Variants in IQGAP3 observed in about 807,000 individuals in gnomAD.
IQGAP3 encodes IQ motif containing GTPase activating protein 3.
Under a neutral mutation model 208.2 loss-of-function variants are expected in IQGAP3, and 165 were observed. The ratio of observed to expected loss-of-function variants is 0.79; its 90% CI spans 0.70 to 0.90. The LOEUF (loss-of-function observed/expected upper bound fraction) is 0.90, where lower values mean the gene tolerates loss of function less well. Ranked by LOEUF, IQGAP3 falls within the 40% of genes least tolerant of loss-of-function variation. The probability of loss-of-function intolerance (pLI) is 0.00; values close to 1 mark genes in which losing one functional copy is unlikely to be tolerated. For missense variants in IQGAP3, 1,811 were observed against 2,043.1 expected, an observed-to-expected ratio of 0.89 and a Z score of 2.19; for synonymous variants, 703 against 803.6, an observed-to-expected ratio of 0.87 and a Z score of 2.12.
At chr1:156,535,368 T>A in intron 27 of IQGAP3, 121 bp from the exon 28 acceptor site, 1 of 671,866 alleles carries the variant, frequency 1.5e-6, no homozygotes, top group Non-Finnish European at 2.6e-6. Flanking sequence ...AGAGTAGAGC[T>A]CAAGCACTGT....
chr1:156,526,460 G>C lies in IQGAP3; in HGVS notation c.*26C>G. On this transcript the variant is annotated 3_prime_UTR_variant, in exon 38 of 38. Transcript: ENST00000361170. ...AGAAAGCATCCAGAGAGGTAAGAGG[G>C]GCTTGGGTAGCACCCTTTGCCTCTG... is the stretch of plus-strand genomic sequence containing the variant. The C allele has an allele frequency of 1.4e-6, 2 of 1,426,286 alleles. No individual in the cohort carries two copies. The highest frequency in any genetic ancestry group is 2.0e-6 in the Non-Finnish European group (2 of 1,009,190). The allele number at this position is 1,426,286 out of a possible 1,614,324, so 88.4% of individuals were successfully genotyped here.
At chr1:156,533,401 G>A (rs912945244) in intron 31 of IQGAP3, among the ~76,000 whole-genome samples, 2 of 152,138 alleles carry the variant, frequency 1.3e-5, no homozygotes, top group African/African-American at 4.8e-5. Context: ...CCCTGAGCCT[G>A]CAGCTCCTGG....
chr1:156,539,127 C>A, intron 25 of IQGAP3, 94 bp from the exon 26 acceptor site: 1 of 1,051,290 alleles, frequency 9.5e-7, no homozygotes, highest in South Asian at 1.4e-5. Context: ...TCAAAGCCTG[C>A]CCTGGTGTCC....
At position 156,538,922 on chromosome 1, in the gene IQGAP3, C is replaced by A. The variant is rs767854550; in HGVS notation, c.3168G>T (p.Leu1056=). The A allele has an allele frequency of 6.2e-7, 1 of 1,614,186 alleles. No homozygotes were observed. ...CTAGCACATCCTGGATAACCTTGCC[C>A]AGAATCTCCTGCAGGGCACTCTGTC... ...GRGQSALQEI[L]GKVIQDVLED... Residue 1056 remains leucine, a synonymous_variant, in exon 26 of 38, where the codon CTG becomes CTT. Coordinates refer to ENST00000361170, the MANE Select transcript of IQGAP3 (RefSeq NM_178229.5).
intron 27 of IQGAP3, among the ~76,000 whole-genome samples, 164 bp from the exon 28 acceptor site, chr1:156,535,411 C>T (rs1674644981): frequency 6.6e-6 from 1 of 152,182 alleles, no homozygotes; most frequent in South Asian, 2.1e-4. Flanking sequence ...TCCCTGCTGC[C>T]TTCCTCCAAA....
At chr1:156,547,936 C>T (rs191218289) in intron 19 of IQGAP3, 137 bp downstream of exon 19, 2 of 786,326 alleles carry the variant, frequency 2.5e-6, no homozygotes, top group East Asian at 2.7e-5. Context: ...TGGTCTGGCT[C>T]CAGAACCTAT....
chr1:156,544,564 G>A (rs1675143925), intron 19 of IQGAP3, 92 bp from the exon 20 acceptor site: 1 of 1,034,678 alleles, frequency 9.7e-7, no homozygotes, highest in Non-Finnish European at 1.5e-6. Flanking sequence ...GCCCTCCAGG[G>A]AATGGAAGGG....
chr1:156,551,596 A>G (rs1675548563), intron 15 of IQGAP3, 109 bp downstream of exon 15: 3 of 1,186,760 alleles, frequency 2.5e-6, no homozygotes, highest in South Asian at 1.7e-5. Flanking sequence ...ACCCCCACCC[A>G]GAAGCCATTG....
rs556804758 is a variant in IQGAP3 at position 156,572,353 on chromosome 1, T to C, written c.37+140A>G. On this transcript the variant is annotated intron_variant, in intron 1 of 37. Transcript: ENST00000361170. The stretch of plus-strand genomic sequence containing the variant: ...GGGCCCACGGCGCCCGGGCTGAGGA[T>C]TCCCGTCCCACTGAGCAGTCCCACC... The C allele has an allele frequency of 2.2e-5, 20 of 910,092 alleles. No individual in the cohort carries two copies. In the East Asian group the frequency reaches 3.6e-4, roughly 17 times the overall value. The allele number at this position is 910,092 out of a possible 1,614,324, so 56.4% of individuals were successfully genotyped here. A position where few individuals can be genotyped will look rare whatever the true frequency, so the allele number is the denominator to read the frequency against.
rs936559021 is a variant in IQGAP3 at position 156,538,668 on chromosome 1, G to C, written c.3281+141C>G. 1.2e-5 allele frequency: 8 copies of C among 655,752 alleles called. No homozygotes were observed. In the African/African-American group the frequency reaches 1.4e-4, roughly 12 times the overall value. 40.6% of individuals were successfully genotyped at this position (655,752 alleles called of 1,614,324 possible). ...CTACCTTATTCATGCCTACAAAGCT[G>C]GTGTCATATTTGCATAGATCAGCAT... On this transcript the variant is annotated intron_variant, in intron 26 of 37. Transcript: ENST00000361170.
At position 156,559,684 on chromosome 1, in the gene IQGAP3, C is replaced by T. The variant is rs1229737495; in HGVS notation, c.1129+1250G>A. Among the ~76,000 whole-genome samples the T allele has an allele frequency of 1.3e-5, 2 of 152,168 alleles. 1 individual carries two copies. Among genetic ancestry groups the T allele is most frequent in the Non-Finnish European group, 2.9e-5 (2 of 68,040 alleles). On this transcript the variant is annotated intron_variant, in intron 11 of 37. Transcript: ENST00000361170. Reference sequence around the variant, plus strand: ...AGGTGAGAATGTGGGAGAAATGTAACCCACAGGACCAGAAGCCCGGTGATG... The same window carrying T: ...AGGTGAGAATGTGGGAGAAATGTAATCCACAGGACCAGAAGCCCGGTGATG...
At chr1:156,535,802 TA>T (rs1164443084) in intron 27 of IQGAP3, among the ~76,000 whole-genome samples, 1 of 152,182 alleles carries the variant, frequency 6.6e-6, no homozygotes. Context: ...CAACCAGAGA[TA>T]TTATCTTAGA....
chr1:156,559,845 G>T (rs1676064760), intron 11 of IQGAP3, among the ~76,000 whole-genome samples: 1 of 152,206 alleles, frequency 6.6e-6, no homozygotes, highest in Admixed American at 6.5e-5. Flanking sequence ...TAAAGTGTGG[G>T]CTAAATAATG....
intron 37 of IQGAP3, 102 bp from the exon 38 acceptor site, chr1:156,526,701 A>G: frequency 1.3e-6 from 1 of 759,770 alleles, no homozygotes; most frequent in Non-Finnish European, 2.3e-6. Flanking sequence ...TGCAGTCACC[A>G]GTGGCACTGG....
intron 35 of IQGAP3, 134 bp from the exon 36 acceptor site, chr1:156,528,744 G>A (rs185394109): frequency 9.8e-6 from 10 of 1,025,124 alleles, no homozygotes; most frequent in Admixed American, 2.4e-5. Context: ...GAGGGGGGCT[G>A]CACTTGAGCC....
chr1:156,547,892 C>T (rs537147309), intron 19 of IQGAP3, among the ~76,000 whole-genome samples, 181 bp downstream of exon 19: 1 of 152,302 alleles, frequency 6.6e-6, no homozygotes, highest in Non-Finnish European at 1.5e-5. Context: ...GGTCACACAG[C>T]TAAGAGGTGG....
chr1:156,548,689 C>A lies in IQGAP3; in HGVS notation c.1885G>T (p.Glu629Ter), dbSNP rs1449567979. ...AIKEGKAAQT[E>*]RVLRNPAVAL... ...ACTGCGGGGTTCCTCAACACCCGCT[C>A]AGTCTGGGCTGCCTTGCCCTCCTTG... The change falls in exon 17 of 38, where the codon GAG becomes TAG. Residue 629 changes from glutamate to a stop codon, truncating the protein, a stop_gained. Coordinates refer to ENST00000361170, the MANE Select transcript of IQGAP3 (RefSeq NM_178229.5). LOFTEE classifies it high-confidence loss of function. The A allele has an allele frequency of 1.2e-6, 2 of 1,610,594 alleles. No individual in the cohort carries two copies. The highest frequency in any genetic ancestry group is 4.5e-5 in the East Asian group (2 of 44,790).
At chr1:156,539,312 G>C (rs1341706269) in intron 25 of IQGAP3, 62 bp downstream of exon 25, 2 of 1,497,538 alleles carry the variant, frequency 1.3e-6, no homozygotes, top group East Asian at 2.3e-5. Context: ...CCTTGTGAAG[G>C]AGCCAACAGG....
intron 12 of IQGAP3, among the ~76,000 whole-genome samples, chr1:156,555,616 TTTCTTCTCTTAGG>T (rs1675789854): frequency 6.6e-6 from 1 of 152,238 alleles, no homozygotes; most frequent in South Asian, 2.1e-4. Flanking sequence ...AGGTTCTTAC[TTTCTTCTCTTAGG>T]TTCTTCTCTA....
Sources: gnomAD v4.1 joint callset for allele counts (sites outside exome capture counted in the v4.1 genomes callset) on GRCh38, gnomAD v4.1.1 for gene constraint, MANE v1.5 for transcripts, NCBI Gene and HGNC (gene_info 2026-07-23, HGNC 2026-07-21) for gene names.